Variants in SCAND1 observed in about 807,000 individuals in gnomAD.
The protein encoded by SCAND1 is SCAN domain containing 1, also known as SCAN domain-containing protein 1.
A neutral mutation model predicts 3.4 loss-of-function variants in SCAND1; 3 were observed. The ratio of observed to expected loss-of-function variants is 0.87; its 90% CI spans 0.40 to 2.25. The LOEUF (loss-of-function observed/expected upper bound fraction) is 2.25. SCAND1 is among the 30% of genes most tolerant of loss of function. SCAND1 has a pLI of 0.05. For missense variants in SCAND1, 303 were observed against 258.8 expected (o/e 1.17, Z -1.17); for synonymous variants, 152 against 120.5 (o/e 1.26, Z -1.72).
chr20:35,957,319 G>A (rs1258540477), upstream of SCAND1, among the ~76,000 whole-genome samples: 1 of 152,226 alleles, frequency 6.6e-6, no homozygotes, highest in South Asian at 2.1e-4. Context: ...GGGCGCGGTG[G>A]CTCATGCCTG....
At position 35,954,290 on chromosome 20, in the gene SCAND1, C is replaced by T; in HGVS notation, c.-6G>A. On this transcript the variant is annotated 5_prime_UTR_variant, in exon 2 of 2. Coordinates refer to ENST00000305978, the MANE Select transcript of SCAND1 (RefSeq NM_033630.3). Reference sequence around the variant, plus strand: ...ATCGGCTCCGTAGCCGCCATAACTCCAGCTCCGGGCGTCACTCTTTGTCCG... The same window carrying T: ...ATCGGCTCCGTAGCCGCCATAACTCTAGCTCCGGGCGTCACTCTTTGTCCG... The T allele has an allele frequency of 6.2e-7, 1 of 1,613,582 alleles. No homozygotes were observed. Among genetic ancestry groups the T allele is most frequent in the South Asian group, 1.1e-5 (1 of 91,048 alleles).
At chr20:35,954,622 G>A (rs1355179841), upstream of SCAND1, 6 of 1,339,342 alleles carry the variant, frequency 4.5e-6, no homozygotes, top group Admixed American at 5.4e-5. Context: ...GGCGAGCTGC[G>A]CGTGGCCTGG....
At chr20:35,954,559 C>T, upstream of SCAND1, 2 of 1,485,212 alleles carry the variant, frequency 1.3e-6, no homozygotes, top group Non-Finnish European at 9.0e-7. Flanking sequence ...GAAGCGGCGC[C>T]CTCTAGCGTT....
At position 35,954,473 on chromosome 20, in the gene SCAND1, G is replaced by A. The variant is rs2056226842; in HGVS notation, c.-81C>T. ...CTGCACCAGCGAAGCGCCTGCGGCAGCCGGAAGCGAAAGTCTCTGGCTTCT... is the reference window on the plus strand; with the variant it reads ...CTGCACCAGCGAAGCGCCTGCGGCAACCGGAAGCGAAAGTCTCTGGCTTCT... On this transcript the variant is annotated 5_prime_UTR_variant, in exon 1 of 2. Transcript: ENST00000305978. 8 of 1,547,216 alleles carry A rather than the reference G, an allele frequency of 5.2e-6. No individual in the cohort carries two copies. Among genetic ancestry groups the A allele is most frequent in the Non-Finnish European group, 7.0e-6 (8 of 1,145,772 alleles).
At chr20:35,959,180 A>G (rs141335327), upstream of SCAND1, 6 of 152,330 alleles carry the variant, frequency 3.9e-5, no homozygotes, top group African/African-American at 1.4e-4. Flanking sequence ...GGAGAAATAT[A>G]TATAAGGGAA....
Position 35,953,761 on chromosome 20 carries a change from A to T in SCAND1, c.524T>A (p.Val175Glu). The T allele has an allele frequency of 6.8e-7, 1 of 1,473,844 alleles. No individual in the cohort carries two copies. The highest frequency in any genetic ancestry group is 9.0e-7 in the Non-Finnish European group (1 of 1,115,760). 91.3% of individuals were successfully genotyped at this position (1,473,844 alleles called of 1,614,324 possible). The part of the protein sequence containing the change: ...RARRIRRRTD[V>E]RITG ...CTCCACCGCTCAGCCAGTGATGCGC[A>T]CATCCGTGCGGCGGCGGATCCGCCG... is the stretch of plus-strand genomic sequence containing the variant. The change falls in exon 2 of 2, where the codon GTG becomes GAG. Residue 175 changes from valine (V) to glutamate (E), a missense_variant. Transcript: ENST00000305978.
upstream of SCAND1, chr20:35,954,652 G>C (rs1237601631): frequency 7.9e-7 from 1 of 1,270,274 alleles, no homozygotes; most frequent in Non-Finnish European, 1.0e-6. Context: ...GAATGGTGGC[G>C]CCTCTGAGCG....
At position 35,954,455 on chromosome 20, in the gene SCAND1, A is replaced by G; in HGVS notation, c.-63T>C. ...AGAGTGTGCGGAGCTTACCTGCACC[A>G]GCGAAGCGCCTGCGGCAGCCGGAAG... is the stretch of plus-strand genomic sequence containing the variant. On this transcript the variant is annotated 5_prime_UTR_variant, in exon 1 of 2. Coordinates refer to ENST00000305978, the MANE Select transcript of SCAND1 (RefSeq NM_033630.3). The G allele has an allele frequency of 1.3e-6, 2 of 1,548,876 alleles. No individual in the cohort carries two copies. Among genetic ancestry groups the G allele is most frequent in the Non-Finnish European group, 1.7e-6 (2 of 1,146,554 alleles).
At chr20:35,958,148 A>G (rs1298058542), upstream of SCAND1, among the ~76,000 whole-genome samples, 1 of 152,140 alleles carries the variant, frequency 6.6e-6, no homozygotes, top group Non-Finnish European at 1.5e-5. Flanking sequence ...AAAGCTTTTC[A>G]TTGGCCAAGC....
upstream of SCAND1, chr20:35,954,922 G>C: frequency 4.1e-6 from 1 of 246,644 alleles, no homozygotes; most frequent in South Asian, 4.4e-5. Flanking sequence ...TCTCTCGGGA[G>C]GGGCCCATCT....
At chr20:35,957,605 G>A (rs1279485025), upstream of SCAND1, 1 of 152,078 alleles carries the variant, frequency 6.6e-6, no homozygotes, top group Non-Finnish European at 1.5e-5. Flanking sequence ...CCTCTTCTTC[G>A]AAAAGGGATG....
At chr20:35,954,419 G>A in intron 1 of SCAND1, 29 bp downstream of exon 1, 1 of 1,551,546 alleles carries the variant, frequency 6.4e-7, no homozygotes, top group Non-Finnish European at 8.7e-7. Context: ...AGTCGGACTC[G>A]GGACCGGCCG....
upstream of SCAND1, among the ~76,000 whole-genome samples, chr20:35,958,398 C>T (rs777585839): frequency 3.3e-5 from 5 of 152,180 alleles, no homozygotes; most frequent in Admixed American, 6.5e-5. Context: ...TGCCACTGCA[C>T]TCCAGCCTGG....
chr20:35,957,029 T>A (rs1046557955), upstream of SCAND1, among the ~76,000 whole-genome samples: 3 of 152,162 alleles, frequency 2.0e-5, no homozygotes, highest in African/African-American at 7.2e-5. Flanking sequence ...TATCTTCTTG[T>A]GAAAGGGAAT....
upstream of SCAND1, among the ~76,000 whole-genome samples, chr20:35,957,309 G>A (rs950897331): frequency 2.0e-5 from 3 of 152,198 alleles, no homozygotes; most frequent in East Asian, 1.9e-4. Flanking sequence ...GTAGTTGGCC[G>A]GGCGCGGTGG....
At chr20:35,955,923 G>T (rs992156362), upstream of SCAND1, among the ~76,000 whole-genome samples, 4 of 152,146 alleles carry the variant, frequency 2.6e-5, no homozygotes, top group Non-Finnish European at 5.9e-5. Context: ...GTTTCACCGT[G>T]TTGGCCAGAC....
intron 1 of SCAND1, 29 bp from the exon 2 acceptor site, chr20:35,954,368 C>T (rs748148891): frequency 1.3e-6 from 2 of 1,590,540 alleles, no homozygotes; most frequent in East Asian, 2.3e-5. Context: ...AGCAGGGAGA[C>T]GTTTCCGGTT....
Position 35,953,925 on chromosome 20 carries a change from C to A in SCAND1, c.360G>T (p.Ala120=). ...GCTGCCGGAAAGCCTCCCGGGGACCCGCCGCATCCTGGTAGCGGAACTGCC... is the reference window on the plus strand; with the variant it reads ...GCTGCCGGAAAGCCTCCCGGGGACCAGCCGCATCCTGGTAGCGGAACTGCC... ...RFRQFRYQDA[A]GPREAFRQLR... is the part of the protein sequence containing the mutation. The change falls in exon 2 of 2, where the codon GCG becomes GCT. Residue 120 remains alanine (A), a synonymous_variant. Coordinates refer to ENST00000305978, the MANE Select transcript of SCAND1 (RefSeq NM_033630.3). The A allele has an allele frequency of 6.3e-7, 1 of 1,577,380 alleles. No individual in the cohort carries two copies. Among genetic ancestry groups the A allele is most frequent in the East Asian group, 2.3e-5 (1 of 42,764 alleles).
upstream of SCAND1, chr20:35,955,282 A>G (rs1010427917): frequency 6.6e-6 from 1 of 152,394 alleles, no homozygotes. Context: ...TGATGTAAAA[A>G]TTATCTCAAT....
Sources: allele counts gnomAD v4.1 joint callset (sites outside exome capture counted in the v4.1 genomes callset), GRCh38; gene constraint gnomAD v4.1.1; transcripts MANE v1.5; gene names NCBI Gene and HGNC (gene_info 2026-07-23, HGNC 2026-07-21).